The following PIK3CD variants were observed in gnomAD, a reference collection of about 807,000 sequenced individuals.
PIK3CD encodes the protein phosphatidylinositol 4,5-bisphosphate 3-kinase catalytic subunit delta isoform.
Under a neutral mutation model 122.9 loss-of-function variants are expected in PIK3CD, and 20 were observed. The observed-to-expected ratio is 0.16, with a 90% CI of 0.11 to 0.24. PIK3CD has a LOEUF of 0.24. Ranked by LOEUF, PIK3CD falls within the 10% of genes least tolerant of loss-of-function variation. The probability of loss-of-function intolerance (pLI) is 1.00; values close to 1 mark genes in which losing one functional copy is unlikely to be tolerated. For missense variants in PIK3CD, 787 were observed against 1,406.3 expected (o/e 0.56, Z 7.04); for synonymous variants, 596 against 593.4 (o/e 1.00, Z -0.06).
chr1:9,680,472 C>T (rs959168739), intron 1 of PIK3CD, among the ~76,000 whole-genome samples: 115 of 152,090 alleles, frequency 7.6e-4, no homozygotes, highest in Non-Finnish European at 1.8e-4. Flanking sequence ...AAAACATTTT[C>T]ATCACTCCAA....
At position 9,718,937 on chromosome 1, in the gene PIK3CD, G is replaced by C; in HGVS notation, c.1242+22G>C. 6.2e-7 allele frequency: 1 copy of C among 1,605,920 alleles called. No individual in the cohort carries two copies. The highest frequency in any genetic ancestry group is 8.5e-7 in the Non-Finnish European group (1 of 1,176,056). On this transcript the variant is annotated intron_variant, in intron 9 of 23. Coordinates refer to ENST00000377346, the MANE Select transcript of PIK3CD (RefSeq NM_005026.5). The surrounding 1 kb of genome is among the most constrained non-coding windows in gnomAD (Gnocchi z 7.2). ...GGCGGTGGGTCCCAGGGCCGGCTGG[G>C]AGGGGTGCAGACCCCGGAGAGCCAG... is the stretch of plus-strand genomic sequence containing the variant.
At chr1:9,659,537 ACT>A (rs924121737) in intron 1 of PIK3CD, among the ~76,000 whole-genome samples, 8 of 150,526 alleles carry the variant, frequency 5.3e-5, no homozygotes, top group Middle Eastern at 3.5e-3. Flanking sequence ...TTAAACACTA[ACT>A]CCCCTCTCCT....
intron 1 of PIK3CD, among the ~76,000 whole-genome samples, chr1:9,680,437 C>T (rs1392274858): frequency 6.6e-6 from 1 of 151,604 alleles, no homozygotes; most frequent in Admixed American, 6.6e-5. Flanking sequence ...TAGTGAGACC[C>T]TGTCTCTATT....
At chr1:9,679,063 C>CT (rs148088382) in intron 1 of PIK3CD, among the ~76,000 whole-genome samples, 12,188 of 116,516 alleles carry the variant, frequency 0.1, 954 homozygotes, top group South Asian at 0.2. Flanking sequence ...TCAGGAGAAA[C>CT]TTTTTTTTTT....
chr1:9,722,732 A>G lies in PIK3CD; in HGVS notation c.2426+126A>G. 1.2e-5 allele frequency: 10 copies of G among 845,934 alleles called. No individual in the cohort carries two copies. The South Asian group carries it at 1.4e-4, about 12-fold the overall frequency. 52.4% of individuals were successfully genotyped at this position (845,934 alleles called of 1,614,324 possible). On this transcript the variant is annotated intron_variant, in intron 19 of 23. Transcript: ENST00000377346. This position sits in a 1 kb window ranked among gnomAD's most constrained non-coding sequence, Gnocchi z 7.6. ...CCGGGGAAAGGGCTTTCCTAGGAAG[A>G]CCCGGAGGCGGTTTAACTCTAGGCC...
chr1:9,669,134 A>G (rs1021336421), intron 1 of PIK3CD, among the ~76,000 whole-genome samples: 1 of 152,102 alleles, frequency 6.6e-6, no homozygotes, highest in Non-Finnish European at 1.5e-5. Flanking sequence ...TGCTGCCCAT[A>G]ATGCCTGCTC....
chr1:9,715,940 G>A lies in PIK3CD; in HGVS notation c.462G>A (p.Arg154=). ...TCTGCGAGGAGGCGGCCGCCCGCCG[G>A]CAGCAGCTGGGCTGGGAGGCCTGGC... ...CQFCEEAAAR[R]QQLGWEAWLQ... The change falls in exon 5 of 24, where the codon CGG becomes CGA. Residue 154 remains arginine, a synonymous_variant. Coordinates refer to ENST00000377346, the MANE Select transcript of PIK3CD (RefSeq NM_005026.5). This position sits in a 1 kb window ranked among gnomAD's most constrained non-coding sequence, Gnocchi z 4.1. 1 of 1,612,482 alleles carries A rather than the reference G, an allele frequency of 6.2e-7. No homozygotes were observed. The highest frequency in any genetic ancestry group is 1.1e-5 in the South Asian group (1 of 91,068).
intron 2 of PIK3CD, among the ~76,000 whole-genome samples, chr1:9,697,213 A>C (rs905684975): frequency 6.6e-6 from 1 of 151,470 alleles, no homozygotes; most frequent in Non-Finnish European, 1.5e-5. Flanking sequence ...CTCTATTTTC[A>C]TAAAAGATTT....
the PIK3CD span, among the ~76,000 whole-genome samples, chr1:9,630,512 GC>G: frequency 6.6e-6 from 1 of 152,234 alleles, no homozygotes; most frequent in Non-Finnish European, 1.5e-5. Flanking sequence ...CAGCCCAGGA[GC>G]CTGTCCAGAT....
At chr1:9,628,782 TGGAGGAGTGGGTGGTGAA>T in the PIK3CD span, among the ~76,000 whole-genome samples, 880 of 150,940 alleles carry the variant, frequency 5.8e-3, 9 homozygotes, top group African/African-American at 0.018. Context: ...GTGGCCAGGG[TGGAGGAGTGGGTGGTGAA>T]GGAGGAGTGG....
intron 1 of PIK3CD, chr1:9,654,345 T>C (rs1265507031): frequency 7.3e-7 from 1 of 1,367,698 alleles, no homozygotes; most frequent in Admixed American, 1.9e-5. Context: ...GCTCCGTTTC[T>C]CCTCCGATAC....
At chr1:9,691,426 A>C (rs866464799) in intron 1 of PIK3CD, 41 bp from the exon 2 acceptor site, 21 of 398,178 alleles carry the variant, frequency 5.3e-5, no homozygotes, top group Admixed American at 8.8e-5. Flanking sequence ...CTCTCTTGTT[A>C]AAATAGTTTT....
At chr1:9,697,573 G>GT (rs937180726) in intron 2 of PIK3CD, among the ~76,000 whole-genome samples, 5 of 149,564 alleles carry the variant, frequency 3.3e-5, no homozygotes, top group Non-Finnish European at 5.9e-5. Flanking sequence ...AAAAAAAAAA[G>GT]TTTTTTTTTA....
the PIK3CD span, among the ~76,000 whole-genome samples, chr1:9,643,466 GGGAA>G: frequency 2.5e-4 from 28 of 112,426 alleles, no homozygotes; most frequent in East Asian, 5.5e-3. Context: ...GAGGGAGGGA[GGGAA>G]GGAAGGGAGG....
At chr1:9,636,197 G>C in the PIK3CD span, among the ~76,000 whole-genome samples, 1 of 152,116 alleles carries the variant, frequency 6.6e-6, no homozygotes, top group East Asian at 1.9e-4. Context: ...AAACAATTCT[G>C]CATTTTTTTG....
At chr1:9,706,288 C>T (rs1274982807) in intron 2 of PIK3CD, among the ~76,000 whole-genome samples, 20 of 146,494 alleles carry the variant, frequency 1.4e-4, no homozygotes, top group African/African-American at 1.0e-4. Context: ...CCCAGGAGTT[C>T]GAGACCAACC....
At chr1:9,683,481 G>C (rs1332219327) in intron 1 of PIK3CD, among the ~76,000 whole-genome samples, 1 of 151,118 alleles carries the variant, frequency 6.6e-6, no homozygotes, top group South Asian at 2.1e-4. Flanking sequence ...CAAAAAAAAC[G>C]AGCCTTGTGC....
rs1294861321 is a variant in PIK3CD, at chr1:9,652,459, C to G, written c.-138+657C>G. 6.6e-6 allele frequency among the ~76,000 whole-genome samples: 1 copy of G among 152,236 alleles called. No homozygotes were observed. Among genetic ancestry groups the G allele is most frequent in the African/African-American group, 2.4e-5 (1 of 41,468 alleles). ...CGCGCCCCGCCTCCCAGTCCCGGGC[C>G]TCCCGCGTTGCTCGCCGCGTTTGCT... On this transcript the variant is annotated intron_variant, in intron 1 of 23. Transcript: ENST00000377346. The surrounding 1 kb of genome is among the most constrained non-coding windows in gnomAD (Gnocchi z 6.2).
At position 9,724,056 on chromosome 1, in the gene PIK3CD, G is replaced by A; in HGVS notation, c.2682G>A (p.Arg894=). The change falls in exon 21 of 24, where the codon CGG becomes CGA. Residue 894 remains arginine (R), a synonymous_variant. Transcript: ENST00000377346. This position sits in a 1 kb window ranked among gnomAD's most constrained non-coding sequence, Gnocchi z 7.3. Reference sequence around the variant, plus strand: ...CATATGTGCTGGGCATTGGCGATCGGCACAGCGACAACATCATGATCCGAG... The same window carrying A: ...CATATGTGCTGGGCATTGGCGATCGACACAGCGACAACATCATGATCCGAG... ...VATYVLGIGD[R]HSDNIMIRES... 1 of 1,614,190 alleles carries A rather than the reference G, an allele frequency of 6.2e-7. No individual in the cohort carries two copies. Among genetic ancestry groups the A allele is most frequent in the South Asian group, 1.1e-5 (1 of 91,084 alleles).
Sources: allele counts gnomAD v4.1 joint callset (sites outside exome capture counted in the v4.1 genomes callset), GRCh38; gene constraint gnomAD v4.1.1; non-coding constraint Gnocchi (gnomAD v3.1); transcripts MANE v1.5; gene names NCBI Gene and HGNC (gene_info 2026-07-23, HGNC 2026-07-21).